GSPT1: variants seen among roughly 807,000 people sequenced by gnomAD.
GSPT1 encodes the protein eukaryotic peptide chain release factor GTP-binding subunit ERF3A.
In GSPT1, 20 loss-of-function variants were observed where a neutral mutation model predicts 72.5. The observed-to-expected ratio is 0.28, with a 90% confidence interval of 0.19 to 0.40. The LOEUF (loss-of-function observed/expected upper bound fraction) is 0.40. Among genes scored for constraint, GSPT1 ranks in the 10% least tolerant of loss-of-function variants. The pLI, the probability that GSPT1 is intolerant of heterozygous loss-of-function variation, is 1.00. For missense variants in GSPT1, 580 were observed against 811.9 expected, an observed-to-expected ratio of 0.71 and a Z score of 3.47; for synonymous variants, 334 against 293.5, an observed-to-expected ratio of 1.14 and a Z score of -1.41.
At chr16:11,906,666 T>A (rs1186315752) in intron 1 of GSPT1, among the ~76,000 whole-genome samples, 1 of 152,122 alleles carries the variant, frequency 6.6e-6, no homozygotes, top group African/African-American at 2.4e-5. Context: ...AAATTTTAAA[T>A]TAACTATGTG....
chr16:11,915,359 G>C lies in GSPT1; in HGVS notation c.352+10C>G. 1.4e-6 allele frequency: 2 copies of C among 1,464,214 alleles called. No homozygotes were observed. The highest frequency in any genetic ancestry group is 2.7e-5 in the South Asian group (2 of 75,226). 90.7% of individuals were successfully genotyped at this position (1,464,214 alleles called of 1,614,324 possible). ...CCGGCCGGACTTCCTCCCGCGTCCC[G>C]GGCCTTTACCCGCACGGCCTCCCGC... On this transcript the variant is annotated intron_variant, in intron 1 of 14. Transcript: ENST00000434724.
intron 1 of GSPT1, among the ~76,000 whole-genome samples, chr16:11,907,910 T>C (rs2054508231): frequency 6.6e-6 from 1 of 152,240 alleles, no homozygotes. Flanking sequence ...CAAACAACCC[T>C]GAAAGACAGT....
rs116479102 is a variant in GSPT1, at chr16:11,909,565, C to T, written c.352+5804G>A. ...TAACTGAACTCACTGCTGTTTAATA[C>T]GAAATAGACAAGTACTGTAAAAAGA... On this transcript the variant is annotated intron_variant, in intron 1 of 14. Transcript: ENST00000434724. Among the ~76,000 whole-genome samples, 1,149 of 152,198 alleles carry T rather than the reference C, an allele frequency of 7.5e-3. 11 individuals are homozygous for T. The highest frequency in any genetic ancestry group is 0.026 in the African/African-American group (1,099 of 41,534).
Position 11,868,264 on chromosome 16 carries a change from G to T in GSPT1, c.*4855C>A, listed in dbSNP as rs184632343. ...CAGGCACAGTAGGTAGCTACAAATCGTAAGAAAAAGCTTTCTTTCCTACCT... is the reference window on the plus strand; with the variant it reads ...CAGGCACAGTAGGTAGCTACAAATCTTAAGAAAAAGCTTTCTTTCCTACCT... On this transcript the variant is annotated 3_prime_UTR_variant, in exon 15 of 15. Coordinates refer to ENST00000434724, the MANE Select transcript of GSPT1 (RefSeq NM_002094.4). The T allele has an allele frequency of 6.6e-6, 1 of 151,714 alleles. No individual in the cohort carries two copies. The highest frequency in any genetic ancestry group is 6.6e-5 in the Admixed American group (1 of 15,226). The allele number at this position is 151,714 out of a possible 1,614,324, so 9.4% of individuals were successfully genotyped here. A position where few individuals can be genotyped will look rare whatever the true frequency, so the allele number is the denominator to read the frequency against.
rs1420017707 is a variant in GSPT1 at position 11,880,057 on chromosome 16, A to T, written c.1429-2477T>A. On this transcript the variant is annotated intron_variant, in intron 11 of 14. Transcript: ENST00000434724. ...CTACTTTCAGGTGACAAATGTGACTATTCCAGGTACCTCATTTAAGTAGAA... is the reference window on the plus strand; with the variant it reads ...CTACTTTCAGGTGACAAATGTGACTTTTCCAGGTACCTCATTTAAGTAGAA... 3.3e-5 allele frequency among the ~76,000 whole-genome samples: 5 copies of T among 152,192 alleles called. 1 individual carries two copies. The East Asian group carries it at 9.6e-4, about 29-fold the overall frequency.
chr16:11,887,842 C>G lies in GSPT1; in HGVS notation c.777-92G>C. 5 of 845,352 alleles carry G rather than the reference C, an allele frequency of 5.9e-6. No homozygotes were observed. In the South Asian group the frequency reaches 8.4e-5, roughly 14 times the overall value. 52.4% of individuals were successfully genotyped at this position (845,352 alleles called of 1,614,324 possible). On this transcript the variant is annotated intron_variant, in intron 6 of 14. Coordinates refer to ENST00000434724, the MANE Select transcript of GSPT1 (RefSeq NM_002094.4). ...CATTAAAGATATAATGGATGACACA[C>G]AACACCTAAATCACGAACAAGATTG...
At chr16:11,895,092 G>A (rs187126923) in intron 4 of GSPT1, 105 bp from the exon 5 acceptor site, 1 of 724,586 alleles carries the variant, frequency 1.4e-6, no homozygotes, top group African/African-American at 1.8e-5. Flanking sequence ...TCTTCCATAT[G>A]AATTTGGGGC....
At position 11,898,028 on chromosome 16, in the gene GSPT1, C is replaced by G. The variant is rs2054361735; in HGVS notation, c.360G>C (p.Val120=). The G allele has an allele frequency of 1.9e-6, 3 of 1,543,442 alleles. No homozygotes were observed. The highest frequency in any genetic ancestry group is 1.8e-6 in the Non-Finnish European group (2 of 1,138,202). The change falls in exon 2 of 15, where the codon GTG becomes GTC. Residue 120 remains valine (V), a synonymous_variant. Coordinates refer to ENST00000434724, the MANE Select transcript of GSPT1 (RefSeq NM_002094.4). ...GSGAGGRAAP[V]ESSQEEQSLC... ...ATGACTGTTCCTCTTGAGAGGATTC[C>G]ACAGGTGCTGTTTAACAGAAAGAAG...
At chr16:11,886,964 CG>C (rs2054192480) in intron 7 of GSPT1, 33 bp from the exon 8 acceptor site, 1 of 1,585,840 alleles carries the variant, frequency 6.3e-7, no homozygotes, top group African/African-American at 1.3e-5. Context: ...TTTACTCCTT[CG>C]CCTTCAGGCA....
chr16:11,912,360 A>C lies in GSPT1; in HGVS notation c.352+3009T>G, dbSNP rs967122630. On this transcript the variant is annotated intron_variant, in intron 1 of 14. Transcript: ENST00000434724. ...AAGACTCCGTCTCAAAAAAAAAAAA[A>C]AACAAAAAAAAAACCTCCTCTTCCA... Among the ~76,000 whole-genome samples the C allele has an allele frequency of 2.2e-4, 34 of 152,064 alleles. No homozygotes were observed. The East Asian group carries it at 3.3e-3, about 15-fold the overall frequency.
chr16:11,869,140 A>C lies in GSPT1; in HGVS notation c.*3979T>G, dbSNP rs2053950896. The C allele has an allele frequency of 6.6e-6, 1 of 152,208 alleles. No homozygotes were observed. Among genetic ancestry groups the C allele is most frequent in the African/African-American group, 2.4e-5 (1 of 41,462 alleles). The allele number at this position is 152,208 out of a possible 1,614,324, so 9.4% of individuals were successfully genotyped here. A position where few individuals can be genotyped will look rare whatever the true frequency, so the allele number is the denominator to read the frequency against. ...ATCTACCTGAACTGAACTGATAGTA[A>C]ACTGGGTCAAATGGAATCCACGGAA... On this transcript the variant is annotated 3_prime_UTR_variant, in exon 15 of 15. Coordinates refer to ENST00000434724, the MANE Select transcript of GSPT1 (RefSeq NM_002094.4).
At chr16:11,891,218 T>C (rs2054254207) in intron 5 of GSPT1, 79 bp from the exon 6 acceptor site, 2 of 689,148 alleles carry the variant, frequency 2.9e-6, no homozygotes, top group Admixed American at 3.2e-5. Context: ...GTGAAAATTG[T>C]CGAAAATTTC....
intron 5 of GSPT1, among the ~76,000 whole-genome samples, 167 bp from the exon 6 acceptor site, chr16:11,891,306 AT>A (rs979335088): frequency 1.4e-5 from 2 of 147,822 alleles, no homozygotes; most frequent in African/African-American, 4.9e-5. Flanking sequence ...TATATAACAT[AT>A]TTTTATATAA....
chr16:11,871,847 G>A lies in GSPT1; in HGVS notation c.*1272C>T, dbSNP rs1178015800. The stretch of plus-strand genomic sequence containing the variant: ...AAAGTCATGATAATTATAGCAGAGA[G>A]TCATTCAATCTAAAACCCACACAAT... On this transcript the variant is annotated 3_prime_UTR_variant, in exon 15 of 15. Transcript: ENST00000434724. The A allele has an allele frequency of 7.2e-5, 11 of 152,104 alleles. No individual in the cohort carries two copies. The highest frequency in any genetic ancestry group is 6.5e-4 in the Admixed American group (10 of 15,268). 9.4% of individuals were successfully genotyped at this position (152,104 alleles called of 1,614,324 possible). A position where few individuals can be genotyped will look rare whatever the true frequency, so the allele number is the denominator to read the frequency against.
chr16:11,886,391 T>C, intron 9 of GSPT1, 80 bp downstream of exon 9: 1 of 846,500 alleles, frequency 1.2e-6, no homozygotes, highest in Middle Eastern at 3.3e-4. Context: ...GTTAACATGT[T>C]ACTCAGCATA....
intron 1 of GSPT1, among the ~76,000 whole-genome samples, chr16:11,899,694 G>A (rs537966797): frequency 6.6e-5 from 10 of 152,222 alleles, no homozygotes; most frequent in African/African-American, 2.2e-4. Flanking sequence ...AAAAGTTTAA[G>A]GATAAGGTAA....
intron 1 of GSPT1, among the ~76,000 whole-genome samples, chr16:11,900,287 C>T (rs775692631): frequency 1.1e-4 from 16 of 149,344 alleles, no homozygotes; most frequent in Non-Finnish European, 1.8e-4. Context: ...GAGCCAAGAT[C>T]ACGTCACTGC....
In GSPT1 at chr16:11,915,892, A is replaced by C. The variant is rs1261438208; in HGVS notation, c.-172T>G. ...CGGCAGCAGCTCCAGTCCCGACTCC[A>C]CACTCGCGACGACGACAGAGGCGGC... is the stretch of plus-strand genomic sequence containing the variant. On this transcript the variant is annotated 5_prime_UTR_variant, in exon 1 of 15. Transcript: ENST00000434724. 1.2e-5 allele frequency: 11 copies of C among 940,550 alleles called. No homozygotes were observed. In the Admixed American group the frequency reaches 1.9e-4, roughly 16 times the overall value. 58.3% of individuals were successfully genotyped at this position (940,550 alleles called of 1,614,324 possible).
At chr16:11,886,062 C>T (rs186861283) in intron 9 of GSPT1, among the ~76,000 whole-genome samples, 259 of 152,016 alleles carry the variant, frequency 1.7e-3, no homozygotes, top group Non-Finnish European at 3.1e-3. Context: ...ACACATAGAC[C>T]TTACATCTTA....
Sources: gnomAD v4.1 joint callset for allele counts (sites outside exome capture counted in the v4.1 genomes callset) on GRCh38, gnomAD v4.1.1 for gene constraint, MANE v1.5 for transcripts, NCBI Gene and HGNC (gene_info 2026-07-23, HGNC 2026-07-21) for gene names.